The following APBA1 variants were observed in gnomAD, a reference collection of about 807,000 sequenced individuals.
APBA1 encodes the protein amyloid beta precursor protein binding family A member 1, also known as amyloid-beta A4 precursor protein-binding family A member 1.
APBA1 carries 55 observed loss-of-function variants against 86.6 expected under a neutral mutation model. The observed-to-expected ratio is 0.64, with a 90% CI of 0.51 to 0.80. The LOEUF is 0.80. Ranked by LOEUF, APBA1 falls within the 30% of genes least tolerant of loss-of-function variation. The probability of loss-of-function intolerance (pLI) is 0.00; values close to 1 mark genes in which losing one functional copy is unlikely to be tolerated. For missense variants in APBA1, 1,090 were observed against 1,183.0 expected (o/e 0.92, Z 1.15); for synonymous variants, 511 against 493.9 (o/e 1.03, Z -0.46).
intron 1 of APBA1, among the ~76,000 whole-genome samples, chr9:69,661,878 A>C (rs1823757992): frequency 6.6e-6 from 1 of 152,118 alleles, no homozygotes; most frequent in Non-Finnish European, 1.5e-5. Context: ...TGGAAGCAGC[A>C]TGAGACCCTT....
intron 8 of APBA1, among the ~76,000 whole-genome samples, chr9:69,455,572 G>A (rs890087646): frequency 2.0e-5 from 3 of 152,184 alleles, no homozygotes; most frequent in African/African-American, 7.2e-5. Flanking sequence ...AGGAACCACT[G>A]GCTTTGTGCC....
intron 1 of APBA1, among the ~76,000 whole-genome samples, chr9:69,671,194 T>C (rs988103584): frequency 1.3e-5 from 2 of 152,104 alleles, no homozygotes; most frequent in African/African-American, 4.8e-5. Flanking sequence ...AGGAATCTGA[T>C]CATTCAACAT....
intron 1 of APBA1, among the ~76,000 whole-genome samples, chr9:69,522,270 T>C (rs1382725525): frequency 3.3e-5 from 5 of 152,082 alleles, no homozygotes; most frequent in African/African-American, 4.8e-5. Context: ...AAGGAATTTT[T>C]AGTAACTGAA....
In APBA1 at chr9:69,649,807, C is replaced by G. The variant is rs117383782; in HGVS notation, c.-70+22346G>C. On this transcript the variant is annotated intron_variant, in intron 1 of 12. Transcript: ENST00000265381. ...GTCTGGAGGAATAACTCATCTCTCC[C>G]CTTAACAAATCTCCCCAGTATGATG... 5.5e-3 allele frequency among the ~76,000 whole-genome samples: 838 copies of G among 152,246 alleles called. 5 individuals carry two copies. Among genetic ancestry groups the G allele is most frequent in the Middle Eastern group, 0.01 (3 of 294 alleles).
Position 69,516,294 on chromosome 9 carries a change from G to A in APBA1, c.917C>T (p.Pro306Leu), listed in dbSNP as rs1429490256. 1.2e-5 allele frequency: 18 copies of A among 1,531,044 alleles called. No homozygotes were observed. Among genetic ancestry groups the A allele is most frequent in the Admixed American group, 6.0e-5 (3 of 50,302 alleles). The allele number at this position is 1,531,044 out of a possible 1,614,324, so 94.8% of individuals were successfully genotyped here. Reference protein sequence around the residue: ...AEQDLERPPTPAGGRPDSPGL... With the variant: ...AEQDLERPPTLAGGRPDSPGL... ...GGGGCTGTCGGGGCGACCCCCGGCC[G>A]GGGTAGGGGGACGCTCCAGGTCCTG... The change falls in exon 2 of 13, where the codon CCG (proline) becomes CTG (leucine). Residue 306 changes from proline to leucine, a missense_variant. Physicochemically the swap from Pro to Leu is moderately conservative, Grantham distance 98 (BLOSUM62 -3). Around this residue, in one of 6 missense-constraint regions of APBA1, gnomAD observed 678 missense variants for 647.1 expected, o/e 1.05. Coordinates refer to ENST00000265381, the MANE Select transcript of APBA1 (RefSeq NM_001163.4). This position sits in a 1 kb window ranked among gnomAD's most constrained non-coding sequence, Gnocchi z 7.3.
chr9:69,596,529 A>G (rs1382187361), intron 1 of APBA1, among the ~76,000 whole-genome samples: 1 of 152,194 alleles, frequency 6.6e-6, no homozygotes, highest in Non-Finnish European at 1.5e-5. Context: ...GCTATATGAG[A>G]GCAGACAGCT....
intron 1 of APBA1, among the ~76,000 whole-genome samples, chr9:69,580,226 T>G (rs1229263159): frequency 6.6e-6 from 1 of 152,216 alleles, no homozygotes; most frequent in African/African-American, 2.4e-5. Context: ...TATCGAGGAT[T>G]CGGAGCCTGA....
intron 1 of APBA1, among the ~76,000 whole-genome samples, chr9:69,586,883 A>T (rs1349381199): frequency 6.6e-6 from 1 of 152,248 alleles, no homozygotes; most frequent in South Asian, 2.1e-4. Flanking sequence ...TCAACAAAAA[A>T]ATTCAGCCTA....
intron 12 of APBA1, 24 bp from the exon 13 acceptor site, chr9:69,431,422 G>GT (rs1564025681): frequency 6.2e-7 from 1 of 1,607,398 alleles, no homozygotes; most frequent in Admixed American, 1.7e-5. Flanking sequence ...ACACACTTTA[G>GT]TGGGGGGCTG....
chr9:69,658,266 T>TTC (rs1491080431), intron 1 of APBA1, among the ~76,000 whole-genome samples: 2 of 81,602 alleles, frequency 2.5e-5, no homozygotes, highest in African/African-American at 4.6e-5. Context: ...CTTTCTTTCT[T>TTC]TCTTTCTTTC....
At chr9:69,671,183 G>A (rs1339295781) in intron 1 of APBA1, among the ~76,000 whole-genome samples, 1 of 152,176 alleles carries the variant, frequency 6.6e-6, no homozygotes, top group Non-Finnish European at 1.5e-5. Context: ...GGGACAGGAA[G>A]AGGAATCTGA....
intron 10 of APBA1, among the ~76,000 whole-genome samples, chr9:69,444,320 G>C (rs776942833): frequency 1.3e-5 from 2 of 152,214 alleles, no homozygotes; most frequent in Non-Finnish European, 2.9e-5. Context: ...GAAGGATCCA[G>C]GCCTTCCATA....
At chr9:69,529,678 G>A (rs1423785784) in intron 1 of APBA1, among the ~76,000 whole-genome samples, 3 of 152,006 alleles carry the variant, frequency 2.0e-5, no homozygotes, top group African/African-American at 4.8e-5. Flanking sequence ...GTCACCTCAA[G>A]GGAAGACATG....
chr9:69,468,724 A>C (rs981932340), intron 4 of APBA1, among the ~76,000 whole-genome samples: 1 of 152,256 alleles, frequency 6.6e-6, no homozygotes, highest in Admixed American at 6.5e-5. Context: ...AAATATTTTA[A>C]TTGGGGGCAC....
chr9:69,456,747 G>A (rs562619103), intron 7 of APBA1, among the ~76,000 whole-genome samples: 7 of 151,622 alleles, frequency 4.6e-5, no homozygotes, highest in Non-Finnish European at 5.9e-5. Context: ...TTTTGTGTGC[G>A]TGAATGTAAG....
At chr9:69,566,868 A>G (rs559901728) in intron 1 of APBA1, among the ~76,000 whole-genome samples, 198 of 152,122 alleles carry the variant, frequency 1.3e-3, no homozygotes, top group African/African-American at 4.6e-3. Flanking sequence ...TTCAGTTATT[A>G]TCTGGCATTA....
chr9:69,467,093 A>G (rs188939258), intron 5 of APBA1, among the ~76,000 whole-genome samples: 87 of 152,330 alleles, frequency 5.7e-4, no homozygotes, highest in African/African-American at 1.8e-3. Context: ...TGGTTTGCCC[A>G]TGATTCTAGG....
chr9:69,515,974 C>T (rs1307824543), intron 2 of APBA1, 37 bp downstream of exon 2: 1 of 1,482,044 alleles, frequency 6.7e-7, no homozygotes, highest in Non-Finnish European at 9.1e-7. Flanking sequence ...CCTCCCACCG[C>T]GTGGGGCCGA....
rs1348477033 is a variant in APBA1, at chr9:69,437,484, C to A, written c.2301+3512G>T. ...GTTATTGGTCTATTCAGAGATTCAACTTCTTCCTGGTTTAGTCTTGGGAGG... is the reference window on the plus strand; with the variant it reads ...GTTATTGGTCTATTCAGAGATTCAAATTCTTCCTGGTTTAGTCTTGGGAGG... On this transcript the variant is annotated intron_variant, in intron 11 of 12. Transcript: ENST00000265381. Among the ~76,000 whole-genome samples the A allele has an allele frequency of 2.0e-3, 237 of 121,126 alleles. 3 individuals carry two copies. The highest frequency in any genetic ancestry group is 7.4e-3 in the African/African-American group (222 of 30,040). The allele number at this position is 121,126 out of a possible 152,430, so 79.5% of individuals were successfully genotyped here. A position where few individuals can be genotyped will look rare whatever the true frequency, so the allele number is the denominator to read the frequency against.
Sources: allele counts gnomAD v4.1 joint callset (sites outside exome capture counted in the v4.1 genomes callset), GRCh38; gene constraint gnomAD v4.1.1; regional missense constraint gnomAD v4.1.1; non-coding constraint Gnocchi (gnomAD v3.1); transcripts MANE v1.5; gene names NCBI Gene and HGNC (gene_info 2026-07-23, HGNC 2026-07-21).